SEPTIN9: variants seen among roughly 807,000 people sequenced by gnomAD.
SEPTIN9 encodes septin-9.
SEPTIN9 carries 13 observed loss-of-function variants against 56.6 expected under a neutral mutation model. That is an observed-to-expected ratio of 0.23 (90% CI 0.15 to 0.37). SEPTIN9 has a LOEUF of 0.37. Ranked by LOEUF, SEPTIN9 falls within the 10% of genes least tolerant of loss-of-function variation. The probability of loss-of-function intolerance (pLI) is 1.00; values close to 1 mark genes in which losing one functional copy is unlikely to be tolerated. For synonymous variants in SEPTIN9, 332 were observed against 334.1 expected, an observed-to-expected ratio of 0.99 and a Z score of 0.07; for missense variants, 650 against 823.1, an observed-to-expected ratio of 0.79 and a Z score of 2.57.
intron 2 of SEPTIN9, among the ~76,000 whole-genome samples, chr17:77,331,004 C>T (rs2033325677): frequency 6.6e-6 from 1 of 152,208 alleles, no homozygotes; most frequent in African/African-American, 2.4e-5. Context: ...GTCAGCCATG[C>T]CAGCAGGCCC....
intron 1 of SEPTIN9, among the ~76,000 whole-genome samples, chr17:77,303,649 C>T (rs1445930312): frequency 1.3e-5 from 2 of 151,634 alleles, no homozygotes; most frequent in African/African-American, 4.8e-5. Context: ...CCACTGCAGT[C>T]CAACCTGGGT....
chr17:77,331,428 T>G (rs2033350353), intron 2 of SEPTIN9, among the ~76,000 whole-genome samples: 1 of 150,464 alleles, frequency 6.6e-6, no homozygotes, highest in Non-Finnish European at 1.5e-5. Flanking sequence ...GAGGACTGGA[T>G]GTTGAGGTGT....
chr17:77,354,528 G>T (rs1056664627), intron 2 of SEPTIN9, among the ~76,000 whole-genome samples: 2 of 152,138 alleles, frequency 1.3e-5, no homozygotes, highest in Non-Finnish European at 2.9e-5. Context: ...CTTTCCAGCT[G>T]GGGGAGGGCT....
In SEPTIN9 at chr17:77,429,658, G is replaced by A. The variant is rs928417550; in HGVS notation, c.721+26955G>A. Among the ~76,000 whole-genome samples, 6 of 152,276 alleles carry A rather than the reference G, an allele frequency of 3.9e-5. No homozygotes were observed. Among genetic ancestry groups the A allele is most frequent in the East Asian group, 1.9e-4 (1 of 5,180 alleles). On this transcript the variant is annotated intron_variant, in intron 3 of 11. Coordinates refer to ENST00000427177, the MANE Select transcript of SEPTIN9 (RefSeq NM_001113491.2). The surrounding 1 kb of genome is among the most constrained non-coding windows in gnomAD (Gnocchi z 5.2). ...GCACAGATGGGGATAATGAGCTGGA[G>A]GGTGCTGGGCAGGAGCTGGCCAGTA...
Position 77,475,540 on chromosome 17 carries a change from G to T in SEPTIN9, c.722-6604G>T, listed in dbSNP as rs1457752695. ...CCCCATGGGCTCAAGTTTCTGGGAAGGCCTGCAGGTGGCCGTAGGGCTGCC... is the reference window on the plus strand; with the variant it reads ...CCCCATGGGCTCAAGTTTCTGGGAATGCCTGCAGGTGGCCGTAGGGCTGCC... On this transcript the variant is annotated intron_variant, in intron 3 of 11. Transcript: ENST00000427177. This position sits in a 1 kb window ranked among gnomAD's most constrained non-coding sequence, Gnocchi z 4.6. 1 of 1,612,534 alleles carries T rather than the reference G, an allele frequency of 6.2e-7. No individual in the cohort carries two copies. The highest frequency in any genetic ancestry group is 1.8e-4 in the Middle Eastern group (1 of 5,712).
intron 2 of SEPTIN9, among the ~76,000 whole-genome samples, chr17:77,341,407 T>C (rs945504992): frequency 5.3e-5 from 8 of 152,148 alleles, no homozygotes; most frequent in African/African-American, 1.7e-4. Flanking sequence ...ACATACAACG[T>C]TTATTGAATA....
At position 77,419,413 on chromosome 17, in the gene SEPTIN9, C is replaced by T. The variant is rs538440386; in HGVS notation, c.721+16710C>T. Among the ~76,000 whole-genome samples the T allele has an allele frequency of 4.6e-5, 7 of 152,266 alleles. No individual in the cohort carries two copies. The East Asian group carries it at 7.7e-4, about 17-fold the overall frequency. On this transcript the variant is annotated intron_variant, in intron 3 of 11. Transcript: ENST00000427177. ...TACCTGTGCCCCAGCTGACCCCTCC[C>T]GCTTCCCTAGGGTGGGCCGGGGATG... is the stretch of plus-strand genomic sequence containing the variant.
intron 2 of SEPTIN9, among the ~76,000 whole-genome samples, chr17:77,357,586 C>T (rs1484243343): frequency 6.6e-6 from 1 of 152,082 alleles, no homozygotes; most frequent in Non-Finnish European, 1.5e-5. Flanking sequence ...GAATCACTGT[C>T]AGAAATTCCC....
chr17:77,309,548 A>G (rs56903937), intron 2 of SEPTIN9, among the ~76,000 whole-genome samples: 258 of 151,818 alleles, frequency 1.7e-3, no homozygotes, highest in African/African-American at 6.0e-3. Context: ...CTGCCATCCC[A>G]TCCTCCCAGC....
In SEPTIN9 at chr17:77,369,229, G is replaced by A. The variant is rs967007344; in HGVS notation, c.77-32830G>A. Among the ~76,000 whole-genome samples the A allele has an allele frequency of 6.6e-6, 1 of 152,038 alleles. No individual in the cohort carries two copies. Among genetic ancestry groups the A allele is most frequent in the African/African-American group, 2.4e-5 (1 of 41,372 alleles). Reference sequence around the variant, plus strand: ...AGACCGGGTGACAGAGTGAGACCCTGTCAAAAAAGAAAAGAAAAGAAAGAA... The same window carrying A: ...AGACCGGGTGACAGAGTGAGACCCTATCAAAAAAGAAAAGAAAAGAAAGAA... On this transcript the variant is annotated intron_variant, in intron 2 of 11. Transcript: ENST00000427177. The surrounding 1 kb of genome is among the most constrained non-coding windows in gnomAD (Gnocchi z 4.9).
At chr17:77,403,575 C>T (rs2035973258) in intron 3 of SEPTIN9, among the ~76,000 whole-genome samples, 1 of 152,154 alleles carries the variant, frequency 6.6e-6, no homozygotes, top group Admixed American at 6.5e-5. Flanking sequence ...GAAGCGTGCC[C>T]CCTGGCCCCA....
chr17:77,281,691 T>C, intron 1 of SEPTIN9, 137 bp downstream of exon 1: 1 of 819,742 alleles, frequency 1.2e-6, no homozygotes, highest in Non-Finnish European at 1.8e-6. Context: ...CAGGTCGAGT[T>C]CCTCCCAGGA....
chr17:77,342,696 G>A (rs1598220255), intron 2 of SEPTIN9, among the ~76,000 whole-genome samples: 1 of 152,150 alleles, frequency 6.6e-6, no homozygotes, highest in Non-Finnish European at 1.5e-5. Flanking sequence ...GGCTGGGCTC[G>A]GTGCAGTGGC....
chr17:77,448,610 AG>A (rs1200275963), intron 3 of SEPTIN9, among the ~76,000 whole-genome samples: 4 of 152,180 alleles, frequency 2.6e-5, no homozygotes, highest in African/African-American at 9.6e-5. Flanking sequence ...GTGTGTGTGA[AG>A]TGCACTCTGG....
At chr17:77,470,325 C>G (rs930297633) in intron 3 of SEPTIN9, among the ~76,000 whole-genome samples, 1 of 151,624 alleles carries the variant, frequency 6.6e-6, no homozygotes, top group Non-Finnish European at 1.5e-5. Flanking sequence ...CATCCATCTA[C>G]CCATCCTCTC....
chr17:77,455,851 G>C (rs1196062840), intron 3 of SEPTIN9, among the ~76,000 whole-genome samples: 1 of 152,174 alleles, frequency 6.6e-6, no homozygotes, highest in South Asian at 2.1e-4. Flanking sequence ...AGGCTATCCC[G>C]AGACAGTCTC....
intron 3 of SEPTIN9, among the ~76,000 whole-genome samples, chr17:77,480,858 C>G (rs1485554801): frequency 1.3e-5 from 2 of 152,194 alleles, no homozygotes; most frequent in Admixed American, 1.3e-4. Context: ...GCAGGCAGAG[C>G]AGGGCCTGGA....
chr17:77,463,206 C>G (rs2038561440), intron 3 of SEPTIN9, among the ~76,000 whole-genome samples: 1 of 152,162 alleles, frequency 6.6e-6, no homozygotes, highest in African/African-American at 2.4e-5. Context: ...CCTGCCATTT[C>G]TTAAATTCCT....
chr17:77,412,875 CT>C (rs34429916), intron 3 of SEPTIN9, among the ~76,000 whole-genome samples: 48,030 of 152,032 alleles, frequency 0.32, 8,345 homozygotes, highest in Non-Finnish European at 0.4. Context: ...TCCCTTTTAG[CT>C]TTTGGAATTC....
Sources: gnomAD v4.1 joint callset for allele counts (sites outside exome capture counted in the v4.1 genomes callset) on GRCh38, gnomAD v4.1.1 for gene constraint, Gnocchi (gnomAD v3.1) non-coding constraint, MANE v1.5 for transcripts, NCBI Gene and HGNC (gene_info 2026-07-23, HGNC 2026-07-21) for gene names.